XIRP2: variants seen among roughly 807,000 people sequenced by gnomAD.
XIRP2 encodes xin actin-binding repeat-containing protein 2.
In XIRP2, 236 loss-of-function variants were observed where a neutral mutation model predicts 277.0. The observed-to-expected ratio is 0.85, with a 90% CI of 0.77 to 0.95. XIRP2 has a LOEUF of 0.95. XIRP2 is among the 40% of genes least tolerant of loss of function. XIRP2 has a pLI of 0.00. For missense variants in XIRP2, 4,640 were observed against 4,157.5 expected (o/e 1.12, Z -3.19); for synonymous variants, 1,490 against 1,416.5 (o/e 1.05, Z -1.17).
intron 6 of XIRP2, 41 bp from the exon 7 acceptor site, chr2:167,240,623 T>G (rs2105429811): frequency 6.4e-7 from 1 of 1,568,916 alleles, no homozygotes; most frequent in Non-Finnish European, 8.8e-7. Context: ...AATAATTGAC[T>G]TCTTAAAAAC....
intron 2 of XIRP2, among the ~76,000 whole-genome samples, chr2:167,033,959 A>AGTACACAGAC (rs1487654923): frequency 1.3e-5 from 2 of 152,206 alleles, no homozygotes; most frequent in Non-Finnish European, 2.9e-5. Context: ...GGTAATAGCA[A>AGTACACAGAC]GTACACAGAC....
intron 3 of XIRP2, among the ~76,000 whole-genome samples, chr2:167,159,447 A>T (rs975025382): frequency 2.0e-5 from 3 of 152,166 alleles, no homozygotes; most frequent in African/African-American, 7.2e-5. Flanking sequence ...ACAAGGATAC[A>T]TTTTTTATTC....
Position 167,250,321 on chromosome 2 carries a change from C to T in XIRP2, c.8929C>T (p.Gln2977Ter). The change falls in exon 9 of 11, where the codon CAG becomes TAG. Residue 2977 changes from glutamine to a stop codon, truncating the protein, a stop_gained. Coordinates refer to ENST00000409195, the MANE Select transcript of XIRP2 (RefSeq NM_152381.6). LOFTEE classifies it high-confidence loss of function. ...AAATAAAAGTGGCCTTAAAACATTT[C>T]AGACACTATTAAATACTATCCCAGG... ...EPNKSGLKTFQTLLNTIPGWL... is the reference protein window; with the variant it reads ...EPNKSGLKTF The T allele has an allele frequency of 6.2e-7, 1 of 1,613,324 alleles. No individual in the cohort carries two copies. The highest frequency in any genetic ancestry group is 8.5e-7 in the Non-Finnish European group (1 of 1,179,670).
chr2:167,042,190 C>T (rs1053331554), intron 2 of XIRP2, among the ~76,000 whole-genome samples: 9 of 152,082 alleles, frequency 5.9e-5, no homozygotes, highest in African/African-American at 1.4e-4. Flanking sequence ...CTTGAGGGTG[C>T]GCTAAACATG....
intron 2 of XIRP2, among the ~76,000 whole-genome samples, chr2:167,089,262 A>G (rs1247155415): frequency 6.6e-6 from 1 of 152,138 alleles, no homozygotes; most frequent in Non-Finnish European, 1.5e-5. Flanking sequence ...ACTTTTTCTA[A>G]AACTCATTAT....
chr2:167,242,947 A>G lies in XIRP2; in HGVS notation c.1555A>G (p.Ser519Gly), dbSNP rs986553498. The stretch of plus-strand genomic sequence containing the variant: ...AAAAAACTTAGAAAAAGATTATATC[A>G]GTGAAGTTTCTGAGATTGTTTCTAG... Reference protein sequence around the residue: ...LRKNLEKDYISEVSEIVSSQM... With the variant: ...LRKNLEKDYIGEVSEIVSSQM... Residue 519 changes from serine (S) to glycine (G), a missense_variant, in exon 9 of 11, where the codon AGT becomes GGT. Ser to Gly is a moderately conservative substitution (Grantham distance 56). Coordinates refer to ENST00000409195, the MANE Select transcript of XIRP2 (RefSeq NM_152381.6). 2.5e-6 allele frequency: 4 copies of G among 1,613,678 alleles called. No individual in the cohort carries two copies. Among genetic ancestry groups the G allele is most frequent in the Non-Finnish European group, 3.4e-6 (4 of 1,179,908 alleles).
chr2:167,035,457 A>G (rs1429193232), intron 2 of XIRP2, among the ~76,000 whole-genome samples: 1 of 152,190 alleles, frequency 6.6e-6, no homozygotes, highest in Non-Finnish European at 1.5e-5. Flanking sequence ...TGGCAAAGAG[A>G]CTGGAGGCAT....
Position 167,243,927 on chromosome 2 carries a change from T to C in XIRP2, c.2535T>C (p.Phe845=). ...ATGTCTCCAGAAAGTGTTGGATGTT[T>C]GAAACCCAGCCATTAGACATTCTAA... The part of the protein sequence containing the change: ...GTDVSRKCWM[F]ETQPLDILKE... The change falls in exon 9 of 11, where the codon TTT becomes TTC. Residue 845 remains phenylalanine (F), a synonymous_variant. Transcript: ENST00000409195. The C allele has an allele frequency of 6.2e-7, 1 of 1,614,032 alleles. No homozygotes were observed. Among genetic ancestry groups the C allele is most frequent in the Non-Finnish European group, 8.5e-7 (1 of 1,179,964 alleles).
intron 2 of XIRP2, among the ~76,000 whole-genome samples, chr2:167,068,409 T>A (rs1391705999): frequency 6.6e-6 from 1 of 152,200 alleles, no homozygotes; most frequent in African/African-American, 2.4e-5. Context: ...TTGTTTTATC[T>A]CCTGATTTTC....
At chr2:166,947,837 C>G (rs1574105676) in intron 2 of XIRP2, among the ~76,000 whole-genome samples, 1 of 152,156 alleles carries the variant, frequency 6.6e-6, no homozygotes, top group East Asian at 1.9e-4. Context: ...TCATATTTGC[C>G]AAAACTTGGA....
Position 167,244,650 on chromosome 2 carries a change from T to C in XIRP2, c.3258T>C (p.Ile1086=). Reference sequence around the variant, plus strand: ...GTAAAACTGAACAAACTAGAGATATTGTTAAAGGGGATGTCAAAACCTGTA... The same window carrying C: ...GTAAAACTGAACAAACTAGAGATATCGTTAAAGGGGATGTCAAAACCTGTA... ...TESKTEQTRD[I]VKGDVKTCKW... The change falls in exon 9 of 11, where the codon ATT becomes ATC. Residue 1086 remains isoleucine (I), a synonymous_variant. Coordinates refer to ENST00000409195, the MANE Select transcript of XIRP2 (RefSeq NM_152381.6). 1.2e-6 allele frequency: 2 copies of C among 1,613,426 alleles called. No homozygotes were observed. Among genetic ancestry groups the C allele is most frequent in the Non-Finnish European group, 1.7e-6 (2 of 1,179,686 alleles).
intron 2 of XIRP2, among the ~76,000 whole-genome samples, chr2:166,994,579 T>G (rs1480516599): frequency 1.4e-5 from 2 of 147,072 alleles, no homozygotes; most frequent in African/African-American, 5.1e-5. Flanking sequence ...CTGGATGTCT[T>G]CAAATTACAA....
At chr2:167,066,767 G>A (rs1052373617) in intron 2 of XIRP2, among the ~76,000 whole-genome samples, 2 of 152,062 alleles carry the variant, frequency 1.3e-5, no homozygotes, top group Non-Finnish European at 2.9e-5. Context: ...TAAAGAAAAT[G>A]TGGCATATAC....
chr2:166,952,446 C>T (rs1304063558), intron 2 of XIRP2, among the ~76,000 whole-genome samples: 1 of 151,812 alleles, frequency 6.6e-6, no homozygotes, highest in Non-Finnish European at 1.5e-5. Flanking sequence ...TAAGAAACGC[C>T]CTGCAGAGAC....
At chr2:167,072,824 A>C (rs1214372993) in intron 2 of XIRP2, among the ~76,000 whole-genome samples, 1 of 152,194 alleles carries the variant, frequency 6.6e-6, no homozygotes, top group East Asian at 1.9e-4. Context: ...GCAGGACTGA[A>C]GAGACCATTC....
Position 167,192,195 on chromosome 2 carries a change from A to G in XIRP2, c.563-18540A>G, listed in dbSNP as rs1408172462. 3.9e-5 allele frequency among the ~76,000 whole-genome samples: 6 copies of G among 152,350 alleles called. No homozygotes were observed. The East Asian group carries it at 7.7e-4, about 20-fold the overall frequency. On this transcript the variant is annotated intron_variant, in intron 3 of 10. Coordinates refer to ENST00000409195, the MANE Select transcript of XIRP2 (RefSeq NM_152381.6). Reference sequence around the variant, plus strand: ...TACTATGTTATATTATTTTTAATTCATAGGAACTTAATTGCATTGAAATCA... The same window carrying G: ...TACTATGTTATATTATTTTTAATTCGTAGGAACTTAATTGCATTGAAATCA...
chr2:166,973,599 T>G (rs1678287813), intron 2 of XIRP2, among the ~76,000 whole-genome samples: 1 of 152,174 alleles, frequency 6.6e-6, no homozygotes, highest in Non-Finnish European at 1.5e-5. Context: ...CTGCAGGTTC[T>G]TACCAAAGTG....
intron 2 of XIRP2, among the ~76,000 whole-genome samples, chr2:166,916,039 G>A (rs1325409085): frequency 2.0e-5 from 3 of 152,146 alleles, no homozygotes; most frequent in Non-Finnish European, 4.4e-5. Context: ...ACCTACATGT[G>A]CATCAATGAT....
intron 2 of XIRP2, among the ~76,000 whole-genome samples, chr2:167,079,207 C>T (rs1465492491): frequency 6.6e-6 from 1 of 152,096 alleles, no homozygotes; most frequent in African/African-American, 2.4e-5. Flanking sequence ...AGAAATGAAG[C>T]CTACGTGATT....
Sources: allele counts gnomAD v4.1 joint callset (sites outside exome capture counted in the v4.1 genomes callset), GRCh38; gene constraint gnomAD v4.1.1; transcripts MANE v1.5; gene names NCBI Gene and HGNC (gene_info 2026-07-23, HGNC 2026-07-21).